CRACDL: variants seen among roughly 807,000 people sequenced by gnomAD.
CRACDL encodes CRACD like.
In CRACDL, 26 loss-of-function variants were observed where a neutral mutation model predicts 70.6. That is an observed-to-expected ratio of 0.37 (90% confidence interval 0.27 to 0.51). CRACDL has a LOEUF of 0.51. Among genes scored for constraint, CRACDL ranks in the 20% least tolerant of loss-of-function variants. CRACDL has a pLI of 0.94. For missense variants in CRACDL, 1,283 were observed against 1,376.9 expected (o/e 0.93, Z 1.08); for synonymous variants, 618 against 615.2 (o/e 1.00, Z -0.07).
chr2:98,821,926 C>T lies in CRACDL; in HGVS notation c.2347G>A (p.Gly783Ser), dbSNP rs757880548. Reference protein sequence around the residue: ...LPHQPAPPDAGPGEREPRKEP... With the variant: ...LPHQPAPPDASPGEREPRKEP... ...TTCCTGGGTTCCCGCTCTCCCGGGC[C>T]GGCGTCGGGGGGCGCGGGCTGGTGC... Residue 783 changes from glycine (G) to serine (S), a missense_variant, in exon 7 of 10, where the codon GGC becomes AGC. Physicochemically the swap from Gly to Ser is moderately conservative, Grantham distance 56. Coordinates refer to ENST00000397899, the MANE Select transcript of CRACDL (RefSeq NM_207362.3). 1 of 1,584,408 alleles carries T rather than the reference C, an allele frequency of 6.3e-7. No individual in the cohort carries two copies.
At chr2:98,931,067 G>A (rs1017942413) in intron 1 of CRACDL, among the ~76,000 whole-genome samples, 2 of 152,172 alleles carry the variant, frequency 1.3e-5, no homozygotes, top group African/African-American at 2.4e-5. Context: ...GCTTACGCCT[G>A]TAATCCCAGC....
intron 1 of CRACDL, among the ~76,000 whole-genome samples, chr2:98,911,266 G>A (rs561209266): frequency 1.3e-5 from 2 of 152,286 alleles, no homozygotes; most frequent in Non-Finnish European, 2.9e-5. Context: ...TGCACACTGG[G>A]CCTTGCAAAG....
At chr2:98,926,745 G>A (rs12467504) in intron 1 of CRACDL, among the ~76,000 whole-genome samples, 37,400 of 152,166 alleles carry the variant, frequency 0.25, 5,968 homozygotes, top group Admixed American at 0.43. Context: ...AACCGAATGC[G>A]AATCAATTAT....
chr2:98,911,704 C>G (rs931642647), intron 1 of CRACDL, among the ~76,000 whole-genome samples: 2 of 152,112 alleles, frequency 1.3e-5, no homozygotes, highest in Non-Finnish European at 2.9e-5. Flanking sequence ...ATGCTGGTGA[C>G]CAAGGACAGG....
intron 1 of CRACDL, among the ~76,000 whole-genome samples, chr2:98,901,305 C>T: frequency 6.6e-6 from 1 of 152,212 alleles, no homozygotes. Flanking sequence ...GGAAAGTTGC[C>T]AGCATGACAC....
intron 1 of CRACDL, among the ~76,000 whole-genome samples, chr2:98,847,710 C>T (rs1706318254): frequency 6.6e-6 from 1 of 152,352 alleles, no homozygotes; most frequent in South Asian, 2.1e-4. Context: ...TGCTCTACCT[C>T]CATATACTAT....
intron 1 of CRACDL, among the ~76,000 whole-genome samples, chr2:98,893,968 G>C (rs1708050066): frequency 6.6e-6 from 1 of 152,204 alleles, no homozygotes; most frequent in African/African-American, 2.4e-5. Context: ...GTGGGCATCA[G>C]GCTGTGTTCA....
At chr2:98,815,068 A>G (rs1163255911) in intron 7 of CRACDL, among the ~76,000 whole-genome samples, 1 of 151,848 alleles carries the variant, frequency 6.6e-6, no homozygotes, top group African/African-American at 2.4e-5. Context: ...GAGAATTTCT[A>G]TCTTTCCATT....
At chr2:98,846,465 A>G (rs1002571247) in intron 2 of CRACDL, among the ~76,000 whole-genome samples, 28 of 152,358 alleles carry the variant, frequency 1.8e-4, no homozygotes, top group African/African-American at 6.7e-4. Flanking sequence ...AAACATGGGG[A>G]CATGCTTACC....
intron 1 of CRACDL, among the ~76,000 whole-genome samples, chr2:98,853,530 AG>A (rs1188988798): frequency 6.6e-6 from 1 of 152,218 alleles, no homozygotes; most frequent in Non-Finnish European, 1.5e-5. Context: ...GCAAAACAAA[AG>A]TTTTTTAGGA....
intron 1 of CRACDL, among the ~76,000 whole-genome samples, chr2:98,874,352 C>G (rs2104603363): frequency 6.6e-6 from 1 of 152,326 alleles, no homozygotes; most frequent in East Asian, 1.9e-4. Context: ...ATGTTGCCCC[C>G]CTGATGGTTT....
chr2:98,931,782 A>G (rs969147231), intron 1 of CRACDL, among the ~76,000 whole-genome samples: 8 of 152,194 alleles, frequency 5.3e-5, no homozygotes, highest in Non-Finnish European at 1.2e-4. Context: ...GAGCCTGTGA[A>G]AAGCTGGTGG....
chr2:98,839,979 T>G (rs772315056), intron 2 of CRACDL, among the ~76,000 whole-genome samples: 48 of 152,274 alleles, frequency 3.2e-4, no homozygotes, highest in Middle Eastern at 3.4e-3. Context: ...TGTTAATTCT[T>G]TCAGTTGAAT....
At chr2:98,834,368 A>G (rs1517682) in intron 3 of CRACDL, among the ~76,000 whole-genome samples, 74,907 of 152,108 alleles carry the variant, frequency 0.49, 18,654 homozygotes, top group Middle Eastern at 0.57. Context: ...ATGTCATACA[A>G]TGGAGGACTC....
chr2:98,912,255 G>A (rs1000001146), intron 1 of CRACDL, among the ~76,000 whole-genome samples: 1 of 152,212 alleles, frequency 6.6e-6, no homozygotes, highest in South Asian at 2.1e-4. Flanking sequence ...AAGGCAGTTC[G>A]CAAAGAGTGA....
At chr2:98,838,849 G>A (rs572431969) in intron 2 of CRACDL, among the ~76,000 whole-genome samples, 57 of 152,238 alleles carry the variant, frequency 3.7e-4, no homozygotes, top group Non-Finnish European at 7.6e-4. Flanking sequence ...TGCAGGGGAG[G>A]GGTGTGGCCA....
rs1414963793 is a variant in CRACDL, at chr2:98,822,707, CG to C, written c.1565del (p.Pro522ArgfsTer182). On this transcript the variant is annotated frameshift_variant, in exon 7 of 10. Coordinates refer to ENST00000397899, the MANE Select transcript of CRACDL (RefSeq NM_207362.3). LOFTEE classifies it high-confidence loss of function. The surrounding 1 kb of genome is among the most constrained non-coding windows in gnomAD (Gnocchi z 4.9). The stretch of plus-strand genomic sequence containing the variant: ...CGAGGGAACCGGGGCCGGGCTCCAC[CG>C]GGGGAGACTCCGCAGCGGCAAGCGG... ...SPPLAAAESP[P>X]VEPGPGSLDA... The C allele has an allele frequency of 7.9e-7, 1 of 1,262,510 alleles. No homozygotes were observed. The highest frequency in any genetic ancestry group is 3.0e-5 in the South Asian group (1 of 32,886). The allele number at this position is 1,262,510 out of a possible 1,614,324, so 78.2% of individuals were successfully genotyped here.
chr2:98,920,357 G>A (rs1404780975), intron 1 of CRACDL, among the ~76,000 whole-genome samples: 1 of 152,118 alleles, frequency 6.6e-6, no homozygotes, highest in East Asian at 1.9e-4. Context: ...TGCAGGCAGA[G>A]GACTACACTG....
At position 98,822,635 on chromosome 2, in the gene CRACDL, C is replaced by T; in HGVS notation, c.1638G>A (p.Glu546=). 3 of 1,361,656 alleles carry T rather than the reference C, an allele frequency of 2.2e-6. No homozygotes were observed. Among genetic ancestry groups the T allele is most frequent in the Non-Finnish European group, 2.8e-6 (3 of 1,067,874 alleles). The allele number at this position is 1,361,656 out of a possible 1,614,324, so 84.3% of individuals were successfully genotyped here. ...APERPKAERA[E]APPAGAERAA... ...CCCTCTCGGCGCCCGCCGGTGGCGC[C>T]TCGGCTCGCTCGGCCTTGGGGCGCT... The change falls in exon 7 of 10, where the codon GAG becomes GAA. Residue 546 remains glutamate, a synonymous_variant. Transcript: ENST00000397899. This position sits in a 1 kb window ranked among gnomAD's most constrained non-coding sequence, Gnocchi z 4.9.
Sources: gnomAD v4.1 joint callset for allele counts (sites outside exome capture counted in the v4.1 genomes callset) on GRCh38, gnomAD v4.1.1 for gene constraint, Gnocchi (gnomAD v3.1) non-coding constraint, MANE v1.5 for transcripts, NCBI Gene and HGNC (gene_info 2026-07-23, HGNC 2026-07-21) for gene names.